GALNT17: variants seen among roughly 807,000 people sequenced by gnomAD.
The protein encoded by GALNT17 is polypeptide N-acetylgalactosaminyltransferase 17.
GALNT17 carries 29 observed loss-of-function variants against 63.7 expected under a neutral mutation model. The ratio of observed to expected loss-of-function variants is 0.46; its 90% CI spans 0.34 to 0.62. GALNT17 has a LOEUF of 0.62. Among genes scored for constraint, GALNT17 ranks in the 20% least tolerant of loss-of-function variants. The pLI, the probability that GALNT17 is intolerant of heterozygous loss-of-function variation, is 0.01. For synonymous variants in GALNT17, 305 were observed against 318.3 expected, an observed-to-expected ratio of 0.96 and a Z score of 0.45; for missense variants, 603 against 799.6, an observed-to-expected ratio of 0.75 and a Z score of 2.97.
At chr7:71,556,853 A>G (rs537515778) in intron 5 of GALNT17, among the ~76,000 whole-genome samples, 2 of 152,176 alleles carry the variant, frequency 1.3e-5, no homozygotes, top group Non-Finnish European at 2.9e-5. Flanking sequence ...GGCATAAGCC[A>G]CTGCGCCTGG....
chr7:71,234,062 C>G (rs1196368927), intron 1 of GALNT17, among the ~76,000 whole-genome samples: 2 of 152,158 alleles, frequency 1.3e-5, no homozygotes, highest in African/African-American at 4.8e-5. Flanking sequence ...CCAGGTCCCT[C>G]TTTCAATACT....
chr7:71,698,644 T>C (rs1791580122), intron 9 of GALNT17, among the ~76,000 whole-genome samples: 1 of 151,868 alleles, frequency 6.6e-6, no homozygotes, highest in Non-Finnish European at 1.5e-5. Flanking sequence ...TGATAACATG[T>C]CAACAAATCA....
At chr7:71,587,973 G>A (rs1463710217) in intron 6 of GALNT17, among the ~76,000 whole-genome samples, 1 of 152,154 alleles carries the variant, frequency 6.6e-6, no homozygotes, top group Non-Finnish European at 1.5e-5. Flanking sequence ...GTCCTGTCTT[G>A]TTATTTACTG....
chr7:71,256,593 C>A (rs991809757), intron 1 of GALNT17, among the ~76,000 whole-genome samples: 6 of 143,494 alleles, frequency 4.2e-5, no homozygotes, highest in Non-Finnish European at 7.8e-5. Context: ...AACCAAAAAC[C>A]AAAAACAAAA....
At chr7:71,364,832 T>A (rs1792471674) in intron 2 of GALNT17, among the ~76,000 whole-genome samples, 1 of 152,218 alleles carries the variant, frequency 6.6e-6, no homozygotes, top group Non-Finnish European at 1.5e-5. Flanking sequence ...TTGCTGGGGC[T>A]GAATGCCAAG....
At chr7:71,433,030 C>T (rs543901272) in intron 5 of GALNT17, among the ~76,000 whole-genome samples, 1 of 152,224 alleles carries the variant, frequency 6.6e-6, no homozygotes, top group South Asian at 2.1e-4. Context: ...AGGCTGGTCT[C>T]CACACCTCAG....
chr7:71,332,842 C>T (rs781203187), intron 1 of GALNT17, among the ~76,000 whole-genome samples: 1 of 152,084 alleles, frequency 6.6e-6, no homozygotes, highest in Non-Finnish European at 1.5e-5. Context: ...CAGGCATGCA[C>T]CACCACACCC....
At chr7:71,141,372 CA>C (rs1182937935) in intron 1 of GALNT17, among the ~76,000 whole-genome samples, 43 of 127,254 alleles carry the variant, frequency 3.4e-4, no homozygotes, top group Admixed American at 3.3e-4. Context: ...AAGACTGTCT[CA>C]AAAAAAAAAA....
At chr7:71,196,791 C>T (rs1789057595) in intron 1 of GALNT17, among the ~76,000 whole-genome samples, 3 of 151,890 alleles carry the variant, frequency 2.0e-5, no homozygotes, top group Admixed American at 2.0e-4. Flanking sequence ...GTAGCTGGGA[C>T]TACAGGTGCG....
intron 1 of GALNT17, among the ~76,000 whole-genome samples, chr7:71,214,393 A>C (rs188027066): frequency 1.3e-5 from 2 of 152,296 alleles, no homozygotes; most frequent in Admixed American, 6.5e-5. Flanking sequence ...CGTTTCTTTA[A>C]AGGTGACCTA....
intron 5 of GALNT17, among the ~76,000 whole-genome samples, chr7:71,541,401 A>C (rs1156391970): frequency 1.3e-5 from 2 of 151,736 alleles, no homozygotes; most frequent in Non-Finnish European, 2.9e-5. Context: ...AAAAATACAA[A>C]AATTAGCCAG....
intron 1 of GALNT17, among the ~76,000 whole-genome samples, chr7:71,246,881 CTGAAATAAGTACTTTTTA>C (rs1790109336): frequency 7.0e-6 from 1 of 142,786 alleles, no homozygotes; most frequent in African/African-American, 2.6e-5. Context: ...TTGCATCTGT[CTGAAATAAGTACTTTTTA>C]TGATATAAGC....
intron 6 of GALNT17, among the ~76,000 whole-genome samples, chr7:71,610,628 A>G (rs1790111549): frequency 6.6e-6 from 1 of 152,188 alleles, no homozygotes; most frequent in Non-Finnish European, 1.5e-5. Flanking sequence ...AATAATGTCC[A>G]AAGGGAAATA....
intron 9 of GALNT17, among the ~76,000 whole-genome samples, chr7:71,692,707 A>G (rs1301937093): frequency 6.7e-6 from 1 of 150,330 alleles, no homozygotes; most frequent in Non-Finnish European, 1.5e-5. Flanking sequence ...TATGTATATA[A>G]GTACTTTTTA....
intron 5 of GALNT17, among the ~76,000 whole-genome samples, chr7:71,440,903 G>A (rs113040814): frequency 1.6e-3 from 250 of 152,270 alleles, no homozygotes; most frequent in African/African-American, 5.7e-3. Flanking sequence ...GTCATGCAAG[G>A]TGTGTTACGT....
intron 9 of GALNT17, among the ~76,000 whole-genome samples, chr7:71,698,268 C>A (rs1791575625): frequency 6.6e-6 from 1 of 152,020 alleles, no homozygotes; most frequent in African/African-American, 2.4e-5. Context: ...ACCAAAGGAA[C>A]TTCTAAAGAA....
chr7:71,228,267 A>G (rs1789719163), intron 1 of GALNT17, among the ~76,000 whole-genome samples: 1 of 152,094 alleles, frequency 6.6e-6, no homozygotes, highest in Admixed American at 6.5e-5. Context: ...AACCCAGCAA[A>G]CGTTAAGTCT....
chr7:71,689,075 G>T (rs1791404271), intron 9 of GALNT17, among the ~76,000 whole-genome samples: 1 of 151,910 alleles, frequency 6.6e-6, no homozygotes, highest in South Asian at 2.1e-4. Flanking sequence ...TAATTATTCG[G>T]GGCACTATGA....
intron 1 of GALNT17, among the ~76,000 whole-genome samples, chr7:71,147,155 A>G (rs146969398): frequency 7.2e-4 from 109 of 152,214 alleles, no homozygotes; most frequent in African/African-American, 2.3e-3. Flanking sequence ...ATTATGAATA[A>G]CATCTCTTTC....
Sources: gnomAD v4.1 joint callset for allele counts (sites outside exome capture counted in the v4.1 genomes callset) on GRCh38, gnomAD v4.1.1 for gene constraint, MANE v1.5 for transcripts, NCBI Gene and HGNC (gene_info 2026-07-23, HGNC 2026-07-21) for gene names.